The following SPNS2 variants were observed in gnomAD, a reference collection of about 807,000 sequenced individuals.
The protein encoded by SPNS2 is SPNS lysolipid transporter 2, sphingosine-1-phosphate.
SPNS2 carries 37 observed loss-of-function variants against 57.6 expected under a neutral mutation model. The ratio of observed to expected loss-of-function variants is 0.64; its 90% CI spans 0.49 to 0.85. SPNS2 has a LOEUF of 0.85. Ranked by LOEUF, SPNS2 falls within the 40% of genes least tolerant of loss-of-function variation. SPNS2 has a pLI of 0.00. For missense variants in SPNS2, 831 were observed against 779.1 expected, an observed-to-expected ratio of 1.07 and a Z score of -0.79; for synonymous variants, 440 against 346.9, an observed-to-expected ratio of 1.27 and a Z score of -2.98.
chr17:4,525,935 C>T (rs144207652), intron 3 of SPNS2, among the ~76,000 whole-genome samples: 146 of 152,190 alleles, frequency 9.6e-4, no homozygotes, highest in Middle Eastern at 3.4e-3. Context: ...TTCCCCATCT[C>T]GAGGCGTATT....
At chr17:4,532,792 C>G (rs1320880371) in intron 6 of SPNS2, 108 bp downstream of exon 6, 23 of 1,470,384 alleles carry the variant, frequency 1.6e-5, no homozygotes, top group African/African-American at 4.2e-5. Flanking sequence ...CACCCCACCT[C>G]TGCTGTCTCA....
chr17:4,526,841 T>A (rs1264962939), intron 3 of SPNS2, among the ~76,000 whole-genome samples: 2 of 152,126 alleles, frequency 1.3e-5, no homozygotes, highest in Non-Finnish European at 2.9e-5. Flanking sequence ...ACATCCTTGC[T>A]TCATGGGGCA....
Position 4,511,632 on chromosome 17 carries a change from G to A in SPNS2, c.371-1615G>A, listed in dbSNP as rs756916019. Among the ~76,000 whole-genome samples, 9 of 152,168 alleles carry A rather than the reference G, an allele frequency of 5.9e-5. No homozygotes were observed. The highest frequency in any genetic ancestry group is 9.7e-5 in the African/African-American group (4 of 41,430). ...CATCCACAGGCCTAGGATTGGCCCC[G>A]GCTTCTACCTTCAAGGCAAAGCCAC... On this transcript the variant is annotated intron_variant, in intron 1 of 12. Coordinates refer to ENST00000329078, the MANE Select transcript of SPNS2 (RefSeq NM_001124758.3). The surrounding 1 kb of genome is among the most constrained non-coding windows in gnomAD (Gnocchi z 4.6).
chr17:4,518,859 A>G (rs1597363800), intron 2 of SPNS2, among the ~76,000 whole-genome samples: 1 of 152,266 alleles, frequency 6.6e-6, no homozygotes, highest in Non-Finnish European at 1.5e-5. Flanking sequence ...GCTGTTCCCC[A>G]AAGCCCTCCT....
At chr17:4,503,982 C>CTT (rs35585489) in intron 1 of SPNS2, among the ~76,000 whole-genome samples, 48,458 of 137,638 alleles carry the variant, frequency 0.35, 9,585 homozygotes, top group Middle Eastern at 0.45. Context: ...CTCCTATTGG[C>CTT]TTTTTTTTTT....
At chr17:4,533,633 C>T (rs1905610221) in intron 8 of SPNS2, 155 bp from the exon 9 acceptor site, 1 of 1,045,460 alleles carries the variant, frequency 9.6e-7, no homozygotes, top group East Asian at 2.6e-5. Context: ...GTGGGCATGG[C>T]TTGAAGTCTC....
chr17:4,502,574 C>T (rs982499542), intron 1 of SPNS2, among the ~76,000 whole-genome samples: 1 of 152,180 alleles, frequency 6.6e-6, no homozygotes, highest in African/African-American at 2.4e-5. Context: ...GAGTTCGAGC[C>T]AAGGCTCTTC....
rs762033490 is a variant in SPNS2, at chr17:4,531,090, G to A, written c.763G>A (p.Ala255Thr). 5 of 1,614,062 alleles carry A rather than the reference G, an allele frequency of 3.1e-6. No individual in the cohort carries two copies. The South Asian group carries it at 3.3e-5, about 11-fold the overall frequency. Residue 255 changes from alanine to threonine, a missense_variant, in exon 5 of 13, where the codon GCA becomes ACA. By Grantham distance (58) the Ala-to-Thr change is moderately conservative. Around this residue, in one of 2 missense-constraint regions of SPNS2, gnomAD observed 305 missense variants for 378.3 expected, o/e 0.81. Coordinates refer to ENST00000329078, the MANE Select transcript of SPNS2 (RefSeq NM_001124758.3). The part of the protein sequence containing the change: ...GYITGSSVKQ[A>T]AGDWHWALRV... ...CATTACTGGCTCCAGCGTGAAGCAGGCAGCCGGAGACTGGCACTGGGCATT... is the reference window on the plus strand; with the variant it reads ...CATTACTGGCTCCAGCGTGAAGCAGACAGCCGGAGACTGGCACTGGGCATT...
At chr17:4,536,840 AGTGCCC>A in intron 11 of SPNS2, 54 bp from the exon 12 acceptor site, 7 of 1,389,678 alleles carry the variant, frequency 5.0e-6, no homozygotes, top group Non-Finnish European at 6.1e-6. Context: ...GTGCCAGAGC[AGTGCCC>A]GGGCCCGGCC....
intron 3 of SPNS2, 95 bp from the exon 4 acceptor site, chr17:4,530,537 T>C: frequency 1.4e-6 from 2 of 1,451,748 alleles, no homozygotes; most frequent in Non-Finnish European, 1.9e-6. Flanking sequence ...CCCTGGCTCC[T>C]GGGCCCTGCA....
rs1050072446 is a variant in SPNS2 at position 4,511,607 on chromosome 17, C to T, written c.371-1640C>T. 1.3e-5 allele frequency among the ~76,000 whole-genome samples: 2 copies of T among 152,184 alleles called. No individual in the cohort carries two copies. Among genetic ancestry groups the T allele is most frequent in the Non-Finnish European group, 2.9e-5 (2 of 68,028 alleles). Reference sequence around the variant, plus strand: ...CAGAGGTCCCTCTTGCTGGCTCTGCCATCCACAGGCCTAGGATTGGCCCCG... The same window carrying T: ...CAGAGGTCCCTCTTGCTGGCTCTGCTATCCACAGGCCTAGGATTGGCCCCG... On this transcript the variant is annotated intron_variant, in intron 1 of 12. Coordinates refer to ENST00000329078, the MANE Select transcript of SPNS2 (RefSeq NM_001124758.3). This position sits in a 1 kb window ranked among gnomAD's most constrained non-coding sequence, Gnocchi z 4.6.
chr17:4,513,420 C>G, intron 2 of SPNS2, 108 bp downstream of exon 2: 1 of 1,216,536 alleles, frequency 8.2e-7, no homozygotes, highest in Non-Finnish European at 1.2e-6. Flanking sequence ...GTCCTGACTC[C>G]TGGAAAGAGA....
At position 4,538,959 on chromosome 17, in the gene SPNS2, A is replaced by C. The variant is rs777962669; in HGVS notation, c.*1511A>C. 2 of 786,838 alleles carry C rather than the reference A, an allele frequency of 2.5e-6. No homozygotes were observed. The highest frequency in any genetic ancestry group is 1.3e-5 in the South Asian group (1 of 74,720). The allele number at this position is 786,838 out of a possible 1,614,324, so 48.7% of individuals were successfully genotyped here. ...GCTCCTTTATTTTTTAGAGCTGCTG[A>C]TTGTGAATCTCAGAGTCTTAAGAGA... On this transcript the variant is annotated 3_prime_UTR_variant, in exon 13 of 13. Transcript: ENST00000329078.
chr17:4,532,425 C>T (rs544942217), intron 5 of SPNS2, 117 bp from the exon 6 acceptor site: 1 of 1,471,622 alleles, frequency 6.8e-7, no homozygotes, highest in Non-Finnish European at 9.3e-7. Flanking sequence ...GGGCAGATAC[C>T]TGCTCAGAGG....
chr17:4,536,748 ACCCCTGGGCTCTCCCATCTC>A (rs1234321672), intron 11 of SPNS2, 132 bp from the exon 12 acceptor site: 1 of 680,702 alleles, frequency 1.5e-6, no homozygotes, highest in Non-Finnish European at 2.6e-6. Flanking sequence ...TCCTCTCCCC[ACCCCTGGGCTCTCCCATCTC>A]CCCCTGGGGC....
chr17:4,505,664 C>A (rs556188266), intron 1 of SPNS2, among the ~76,000 whole-genome samples: 9 of 152,210 alleles, frequency 5.9e-5, no homozygotes, highest in Admixed American at 2.6e-4. Flanking sequence ...GGAAGAGCAC[C>A]GGTCTGCTCT....
chr17:4,516,094 A>C (rs1428277766), intron 2 of SPNS2, among the ~76,000 whole-genome samples: 1 of 152,130 alleles, frequency 6.6e-6, no homozygotes, highest in Non-Finnish European at 1.5e-5. Flanking sequence ...CAGGTGGATC[A>C]TCTGAGGTCA....
At chr17:4,535,812 G>C (rs1158902848) in intron 9 of SPNS2, among the ~76,000 whole-genome samples, 1 of 152,068 alleles carries the variant, frequency 6.6e-6, no homozygotes, top group African/African-American at 2.4e-5. Context: ...AGCCCCTGGG[G>C]TGAGGGTGAC....
chr17:4,506,753 C>T (rs1904690107), intron 1 of SPNS2, among the ~76,000 whole-genome samples: 2 of 152,166 alleles, frequency 1.3e-5, no homozygotes, highest in South Asian at 4.1e-4. Flanking sequence ...GCCTCATCCT[C>T]ATGGTCTCTG....
Sources: allele counts gnomAD v4.1 joint callset (sites outside exome capture counted in the v4.1 genomes callset), GRCh38; gene constraint gnomAD v4.1.1; regional missense constraint gnomAD v4.1.1; non-coding constraint Gnocchi (gnomAD v3.1); transcripts MANE v1.5; gene names NCBI Gene and HGNC (gene_info 2026-07-23, HGNC 2026-07-21).